The following SEMA5A variants were observed in gnomAD, a reference collection of about 807,000 sequenced individuals.
SEMA5A encodes semaphorin 5A, also known as semaphorin-5A.
In SEMA5A, 55 loss-of-function variants were observed where a neutral mutation model predicts 135.5. That is an observed-to-expected ratio of 0.41 (90% CI 0.33 to 0.51). The LOEUF (loss-of-function observed/expected upper bound fraction) is 0.51. Among genes scored for constraint, SEMA5A ranks in the 20% least tolerant of loss-of-function variants. SEMA5A has a pLI of 0.37. For missense variants in SEMA5A, 1,290 were observed against 1,419.9 expected (o/e 0.91, Z 1.47); for synonymous variants, 580 against 546.5 (o/e 1.06, Z -0.85).
chr5:9,388,825 G>A (rs1273253668), intron 2 of SEMA5A, among the ~76,000 whole-genome samples: 1 of 152,028 alleles, frequency 6.6e-6, no homozygotes, highest in Non-Finnish European at 1.5e-5. Flanking sequence ...CATGAACCTG[G>A]GAGGCGGAGC....
At chr5:9,124,139 G>A (rs571671936) in intron 13 of SEMA5A, among the ~76,000 whole-genome samples, 1 of 152,194 alleles carries the variant, frequency 6.6e-6, no homozygotes, top group Non-Finnish European at 1.5e-5. Context: ...CCCAGGGCAG[G>A]GACCTTATGG....
chr5:9,510,679 A>G (rs1235761802), intron 1 of SEMA5A, among the ~76,000 whole-genome samples: 2 of 152,212 alleles, frequency 1.3e-5, no homozygotes, highest in African/African-American at 4.8e-5. Flanking sequence ...TTCTTAAAAC[A>G]TATTATATTT....
At chr5:9,413,658 A>C (rs1757182307) in intron 2 of SEMA5A, among the ~76,000 whole-genome samples, 1 of 152,218 alleles carries the variant, frequency 6.6e-6, no homozygotes, top group Non-Finnish European at 1.5e-5. Context: ...AAATCATTGC[A>C]TAAATTAATA....
intron 1 of SEMA5A, among the ~76,000 whole-genome samples, chr5:9,523,660 G>T (rs464975): frequency 2.4e-4 from 37 of 152,034 alleles, no homozygotes; most frequent in Non-Finnish European, 4.1e-4. Flanking sequence ...TTGGTCTGGA[G>T]GAGGAGGCAT....
At chr5:9,227,600 G>A (rs1222152902) in intron 6 of SEMA5A, among the ~76,000 whole-genome samples, 1 of 145,144 alleles carries the variant, frequency 6.9e-6, no homozygotes, top group Non-Finnish European at 1.5e-5. Context: ...GCCCAGGCTG[G>A]AGTGCCGTGG....
At chr5:9,446,669 T>A (rs1169968751) in intron 1 of SEMA5A, among the ~76,000 whole-genome samples, 1 of 152,066 alleles carries the variant, frequency 6.6e-6, no homozygotes, top group African/African-American at 2.4e-5. Context: ...GTCTCTCAAT[T>A]CCTACTTATT....
chr5:9,345,691 A>T (rs546711950), intron 3 of SEMA5A, among the ~76,000 whole-genome samples: 2 of 152,152 alleles, frequency 1.3e-5, no homozygotes, highest in Non-Finnish European at 2.9e-5. Context: ...CCTTCAAACT[A>T]CCCAGTATAA....
intron 1 of SEMA5A, chr5:9,519,775 C>T (rs1736720340): frequency 6.6e-6 from 1 of 152,228 alleles, no homozygotes; most frequent in South Asian, 2.1e-4. Context: ...CCCAGCCTGC[C>T]CTTTCAAGTC....
intron 2 of SEMA5A, among the ~76,000 whole-genome samples, chr5:9,399,880 AG>A (rs1217059112): frequency 6.6e-6 from 1 of 152,196 alleles, no homozygotes; most frequent in African/African-American, 2.4e-5. Flanking sequence ...TCCATAGTCT[AG>A]GTTCCCATTA....
chr5:9,170,550 T>C (rs1743861429), intron 11 of SEMA5A, among the ~76,000 whole-genome samples: 1 of 152,068 alleles, frequency 6.6e-6, no homozygotes, highest in Admixed American at 6.6e-5. Flanking sequence ...TGGGGGGCTT[T>C]GGGAAGTGAT....
At chr5:9,070,865 T>A (rs1341099011) in intron 16 of SEMA5A, among the ~76,000 whole-genome samples, 1 of 152,208 alleles carries the variant, frequency 6.6e-6, no homozygotes, top group Non-Finnish European at 1.5e-5. Flanking sequence ...GGCCAATTTG[T>A]TTTATCTTAA....
chr5:9,040,719 T>G lies in SEMA5A; in HGVS notation c.*2178A>C, dbSNP rs1735916949. Reference sequence around the variant, plus strand: ...TTCCCAAGTCATTGCAAAAGACTCATTAAAGACCAGCTTCGATGCCATTTA... The same window carrying G: ...TTCCCAAGTCATTGCAAAAGACTCAGTAAAGACCAGCTTCGATGCCATTTA... On this transcript the variant is annotated 3_prime_UTR_variant, in exon 23 of 23. Coordinates refer to ENST00000382496, the MANE Select transcript of SEMA5A (RefSeq NM_003966.3). 1 of 152,156 alleles carries G rather than the reference T, an allele frequency of 6.6e-6. No individual in the cohort carries two copies. Among genetic ancestry groups the G allele is most frequent in the Non-Finnish European group, 1.5e-5 (1 of 68,016 alleles). 9.4% of individuals were successfully genotyped at this position (152,156 alleles called of 1,614,324 possible). A position where few individuals can be genotyped will look rare whatever the true frequency, so the allele number is the denominator to read the frequency against.
At position 9,409,111 on chromosome 5, in the gene SEMA5A, C is replaced by T. The variant is rs572242253; in HGVS notation, c.-78+28645G>A. 2.6e-5 allele frequency among the ~76,000 whole-genome samples: 4 copies of T among 152,192 alleles called. No homozygotes were observed. In the East Asian group the frequency reaches 5.8e-4, roughly 22 times the overall value. ...AGTTGAAACTAAAACCCTGGAGTCC[C>T]GATGCCAACTGGATGATTTTCAATT... On this transcript the variant is annotated intron_variant, in intron 2 of 22. Coordinates refer to ENST00000382496, the MANE Select transcript of SEMA5A (RefSeq NM_003966.3).
intron 22 of SEMA5A, chr5:9,043,401 A>T (rs912877965): frequency 1.2e-5 from 2 of 171,976 alleles, no homozygotes; most frequent in African/African-American, 4.8e-5. Flanking sequence ...GAATAGATAT[A>T]TAAGCAGCTT....
intron 16 of SEMA5A, among the ~76,000 whole-genome samples, chr5:9,094,578 T>G (rs1739219565): frequency 6.6e-6 from 1 of 152,246 alleles, no homozygotes. Context: ...TGTATCTCTC[T>G]CTTTTGAGTT....
intron 16 of SEMA5A, among the ~76,000 whole-genome samples, chr5:9,094,183 T>A (rs253638): frequency 0.43 from 65,126 of 152,134 alleles, 15,036 homozygotes; most frequent in African/African-American, 0.59. Flanking sequence ...ACACAGTATG[T>A]AGTCAACATG....
chr5:9,099,353 C>T (rs1267848335), intron 16 of SEMA5A, among the ~76,000 whole-genome samples: 1 of 152,142 alleles, frequency 6.6e-6, no homozygotes, highest in Admixed American at 6.5e-5. Context: ...GCAAGCTCTT[C>T]ACTGAGATAT....
intron 16 of SEMA5A, among the ~76,000 whole-genome samples, chr5:9,096,062 T>C (rs1022775555): frequency 3.9e-5 from 6 of 152,206 alleles, no homozygotes; most frequent in Non-Finnish European, 7.4e-5. Context: ...GGTAATTCTA[T>C]TTTTAATTTT....
At position 9,272,057 on chromosome 5, in the gene SEMA5A, A is replaced by T. The variant is rs116705541; in HGVS notation, c.271-34167T>A. Among the ~76,000 whole-genome samples, 438 of 152,164 alleles carry T rather than the reference A, an allele frequency of 2.9e-3. 6 individuals are homozygous for T. The highest frequency in any genetic ancestry group is 0.01 in the African/African-American group (424 of 41,538). ...AAAGGGGGCTGAAGCCTGGGAGCCA[A>T]GTGGTCTGGCTTGGCAGGTTTCAAC... On this transcript the variant is annotated intron_variant, in intron 5 of 22. Coordinates refer to ENST00000382496, the MANE Select transcript of SEMA5A (RefSeq NM_003966.3).
Sources: gnomAD v4.1 joint callset for allele counts (sites outside exome capture counted in the v4.1 genomes callset) on GRCh38, gnomAD v4.1.1 for gene constraint, MANE v1.5 for transcripts, NCBI Gene and HGNC (gene_info 2026-07-23, HGNC 2026-07-21) for gene names.